The following DNM3 variants were observed in gnomAD, a reference collection of about 807,000 sequenced individuals.
DNM3 encodes dynamin 3.
In DNM3, 47 loss-of-function variants were observed where a neutral mutation model predicts 101.6. The ratio of observed to expected loss-of-function variants is 0.46; its 90% confidence interval spans 0.37 to 0.59. The LOEUF is 0.59. DNM3 is among the 20% of genes least tolerant of loss of function. The probability of loss-of-function intolerance (pLI) is 0.00; values close to 1 mark genes in which losing one functional copy is unlikely to be tolerated. For missense variants in DNM3, 849 were observed against 1,085.7 expected, an observed-to-expected ratio of 0.78 and a Z score of 3.06; for synonymous variants, 385 against 387.9, an observed-to-expected ratio of 0.99 and a Z score of 0.09.
At chr1:172,317,433 A>T (rs1025478338) in intron 16 of DNM3, among the ~76,000 whole-genome samples, 2 of 152,236 alleles carry the variant, frequency 1.3e-5, no homozygotes, top group Non-Finnish European at 2.9e-5. Context: ...TCCTTCAAAA[A>T]ATTAATGAAT....
intron 1 of DNM3, among the ~76,000 whole-genome samples, chr1:171,903,841 G>C (rs1386391933): frequency 1.3e-5 from 2 of 152,150 alleles, no homozygotes; most frequent in African/African-American, 4.8e-5. Context: ...TTAAAATTTT[G>C]CTTAAAAACT....
In DNM3 at chr1:172,219,654, C is replaced by T. The variant is rs567265849; in HGVS notation, c.1660-33919C>T. Reference sequence around the variant, plus strand: ...GGACCTTTTTAGAACGCAAAAGACTCAATCTGAGAGGCGTCAGAGGGAGAC... The same window carrying T: ...GGACCTTTTTAGAACGCAAAAGACTTAATCTGAGAGGCGTCAGAGGGAGAC... On this transcript the variant is annotated intron_variant, in intron 14 of 20. Coordinates refer to ENST00000627582, the MANE Select transcript of DNM3 (RefSeq NM_015569.5). Among the ~76,000 whole-genome samples, 124 of 152,124 alleles carry T rather than the reference C, an allele frequency of 8.2e-4. 2 individuals carry two copies. In the South Asian group the frequency reaches 0.025, roughly 31 times the overall value.
chr1:172,257,451 T>A (rs115924365), intron 15 of DNM3, among the ~76,000 whole-genome samples: 1,840 of 152,244 alleles, frequency 0.012, 21 homozygotes, highest in Non-Finnish European at 0.02. Context: ...AATTTAGTAT[T>A]GTATTTTCCT....
chr1:172,237,119 A>G (rs2061573384), intron 14 of DNM3, among the ~76,000 whole-genome samples: 1 of 152,182 alleles, frequency 6.6e-6, no homozygotes, highest in Non-Finnish European at 1.5e-5. Context: ...GTTCAATTAC[A>G]TATGTCAGTA....
At chr1:172,302,152 G>A (rs1041682848) in intron 15 of DNM3, among the ~76,000 whole-genome samples, 1 of 152,052 alleles carries the variant, frequency 6.6e-6, no homozygotes, top group Non-Finnish European at 1.5e-5. Flanking sequence ...CTGGAAAAAT[G>A]GGACATTCCC....
chr1:172,194,141 G>A (rs9425503), intron 14 of DNM3, among the ~76,000 whole-genome samples: 2 of 151,952 alleles, frequency 1.3e-5, no homozygotes, highest in Non-Finnish European at 2.9e-5. Context: ...TCAGGAGCAG[G>A]TTGTTCAGTT....
intron 17 of DNM3, 52 bp from the exon 18 acceptor site, chr1:172,378,966 T>C: frequency 6.4e-7 from 1 of 1,559,614 alleles, no homozygotes; most frequent in East Asian, 2.3e-5. Flanking sequence ...GACATTTTAT[T>C]TTCTTCTGAG....
At chr1:172,092,933 G>A (rs979137589) in intron 13 of DNM3, 58 bp downstream of exon 13, 14 of 1,437,208 alleles carry the variant, frequency 9.7e-6, no homozygotes, top group Admixed American at 2.4e-5. Context: ...GAACTAAATC[G>A]CTTGATTGAC....
At chr1:172,015,158 GTGT>G (rs753280872) in intron 4 of DNM3, among the ~76,000 whole-genome samples, 2 of 152,134 alleles carry the variant, frequency 1.3e-5, no homozygotes, top group Non-Finnish European at 2.9e-5. Context: ...GTACTACACT[GTGT>G]TGATTACTGC....
chr1:172,335,502 T>C (rs957974305), intron 17 of DNM3, among the ~76,000 whole-genome samples: 2 of 152,204 alleles, frequency 1.3e-5, no homozygotes, highest in African/African-American at 2.4e-5. Flanking sequence ...CATATGTTCA[T>C]TGCAGCATTA....
At chr1:172,214,578 C>T (rs886558749) in intron 14 of DNM3, among the ~76,000 whole-genome samples, 5 of 151,910 alleles carry the variant, frequency 3.3e-5, no homozygotes, top group Non-Finnish European at 5.9e-5. Context: ...CTGTACTAAA[C>T]ATAATTAGAT....
chr1:172,278,232 A>C (rs1259154002), intron 15 of DNM3, among the ~76,000 whole-genome samples: 2 of 152,038 alleles, frequency 1.3e-5, no homozygotes, highest in Non-Finnish European at 2.9e-5. Flanking sequence ...CAAAGTCAAT[A>C]TTTCAAGTAT....
intron 13 of DNM3, among the ~76,000 whole-genome samples, chr1:172,105,891 A>G (rs2054978036): frequency 6.6e-6 from 1 of 152,152 alleles, no homozygotes; most frequent in East Asian, 1.9e-4. Flanking sequence ...CATGAAAACC[A>G]TTGATTTTTA....
chr1:172,307,215 G>A (rs1055365305), intron 15 of DNM3, among the ~76,000 whole-genome samples: 3 of 152,082 alleles, frequency 2.0e-5, no homozygotes, highest in Non-Finnish European at 2.9e-5. Context: ...TCAAAAAGTG[G>A]GCAAAGCATA....
chr1:171,876,099 G>A (rs1043133525), intron 1 of DNM3, among the ~76,000 whole-genome samples: 2 of 151,992 alleles, frequency 1.3e-5, no homozygotes, highest in South Asian at 2.1e-4. Flanking sequence ...GTGAGCCACT[G>A]CGCCTGGCCA....
intron 20 of DNM3, among the ~76,000 whole-genome samples, chr1:172,394,748 G>C (rs1249347244): frequency 6.6e-6 from 1 of 152,178 alleles, no homozygotes; most frequent in African/African-American, 2.4e-5. Flanking sequence ...GAAGCCACTG[G>C]CCAGTGAAAA....
intron 4 of DNM3, among the ~76,000 whole-genome samples, chr1:172,005,222 A>G (rs1026734911): frequency 9.9e-5 from 15 of 152,202 alleles, no homozygotes; most frequent in Admixed American, 7.2e-4. Context: ...GACTGTTTTG[A>G]TATTAAATGA....
intron 20 of DNM3, among the ~76,000 whole-genome samples, chr1:172,405,290 C>G (rs1211090605): frequency 1.3e-5 from 2 of 152,036 alleles, no homozygotes; most frequent in Non-Finnish European, 2.9e-5. Flanking sequence ...TTTCTTTTCT[C>G]AAGGAATTTT....
chr1:172,144,849 C>CT, intron 14 of DNM3: 1 of 320,694 alleles, frequency 3.1e-6, no homozygotes, highest in South Asian at 2.6e-5. Flanking sequence ...GAGGGCTGGG[C>CT]TGGAGAGTCC....
Sources: gnomAD v4.1 joint callset for allele counts (sites outside exome capture counted in the v4.1 genomes callset) on GRCh38, gnomAD v4.1.1 for gene constraint, MANE v1.5 for transcripts, NCBI Gene and HGNC (gene_info 2026-07-23, HGNC 2026-07-21) for gene names.